CREB5: variants seen among roughly 807,000 people sequenced by gnomAD.
CREB5 encodes cAMP responsive element binding protein 5, also known as cyclic AMP-responsive element-binding protein 5.
CREB5 carries 19 observed loss-of-function variants against 57.1 expected under a neutral mutation model. The ratio of observed to expected loss-of-function variants is 0.33; its 90% CI spans 0.23 to 0.49. The LOEUF is 0.49. Ranked by LOEUF, CREB5 falls within the 20% of genes least tolerant of loss-of-function variation. CREB5 has a pLI of 0.99. For missense variants in CREB5, 579 were observed against 671.6 expected, an observed-to-expected ratio of 0.86 and a Z score of 1.52; for synonymous variants, 238 against 238.3, an observed-to-expected ratio of 1.00 and a Z score of 0.01.
intron 4 of CREB5, among the ~76,000 whole-genome samples, chr7:28,560,622 A>G (rs1176913391): frequency 1.3e-5 from 2 of 152,132 alleles, no homozygotes; most frequent in Non-Finnish European, 2.9e-5. Context: ...ATGGTCAAGA[A>G]GAGGCAAGGC....
chr7:28,623,204 G>A (rs1159964454), intron 5 of CREB5, among the ~76,000 whole-genome samples: 1 of 152,140 alleles, frequency 6.6e-6, no homozygotes, highest in Non-Finnish European at 1.5e-5. Flanking sequence ...TTTATAGGAG[G>A]ATGCATGGAA....
At position 28,560,971 on chromosome 7, in the gene CREB5, T is replaced by TGTGC. The variant is rs1562798185; in HGVS notation, c.292-9393_292-9392insTGCG. On this transcript the variant is annotated intron_variant, in intron 4 of 10. Transcript: ENST00000357727. ...GTGTGCGTGTGTGTGCGTGTGTGTG[T>TGTGC]GCGTGTGTGCGTGCGTGTGTGTGCC... Among the ~76,000 whole-genome samples the TGTGC allele has an allele frequency of 9.2e-5, 5 of 54,064 alleles. 1 individual carries two copies. The highest frequency in any genetic ancestry group is 1.2e-3 in the East Asian group (2 of 1,608). The allele number at this position is 54,064 out of a possible 152,430, so 35.5% of individuals were successfully genotyped here.
At chr7:28,614,839 CACTT>C in intron 5 of CREB5, among the ~76,000 whole-genome samples, 1 of 152,266 alleles carries the variant, frequency 6.6e-6, no homozygotes, top group Non-Finnish European at 1.5e-5. Context: ...TGTCTCTACT[CACTT>C]TTAGCCTCTC....
chr7:28,656,270 A>C (rs1799330313), intron 5 of CREB5, among the ~76,000 whole-genome samples: 2 of 152,232 alleles, frequency 1.3e-5, no homozygotes, highest in Admixed American at 1.3e-4. Context: ...AACAACAAAG[A>C]AATTATGAAG....
At chr7:28,495,463 A>T (rs1178663664) in intron 3 of CREB5, among the ~76,000 whole-genome samples, 1 of 151,014 alleles carries the variant, frequency 6.6e-6, no homozygotes, top group East Asian at 1.9e-4. Flanking sequence ...AATCGCTTGG[A>T]CCCGGGAGGG....
At chr7:28,304,868 T>C (rs1194559088) in intron 1 of CREB5, among the ~76,000 whole-genome samples, 3 of 152,196 alleles carry the variant, frequency 2.0e-5, no homozygotes, top group African/African-American at 7.2e-5. Flanking sequence ...TAAGTATGTA[T>C]TTGTAGAAAT....
intron 5 of CREB5, among the ~76,000 whole-genome samples, chr7:28,658,369 T>C (rs1021434999): frequency 1.3e-5 from 2 of 152,234 alleles, no homozygotes; most frequent in South Asian, 4.1e-4. Context: ...CCTCTGCCCA[T>C]GAACTGATTT....
At chr7:28,625,534 C>G (rs899184818) in intron 5 of CREB5, among the ~76,000 whole-genome samples, 20 of 152,160 alleles carry the variant, frequency 1.3e-4, no homozygotes, top group Non-Finnish European at 2.8e-4. Flanking sequence ...GTTAAAATCC[C>G]AAAGCACAGT....
At chr7:28,810,118 A>C (rs1356997428) in intron 9 of CREB5, among the ~76,000 whole-genome samples, 6 of 152,108 alleles carry the variant, frequency 3.9e-5, no homozygotes, top group Admixed American at 3.9e-4. Context: ...GTCTAAGAGG[A>C]AAGGAAGGAA....
chr7:28,598,768 G>A (rs759768366), intron 5 of CREB5, among the ~76,000 whole-genome samples: 8 of 152,066 alleles, frequency 5.3e-5, no homozygotes, highest in African/African-American at 9.7e-5. Context: ...TAAGAAGAGC[G>A]GCATAGGTAG....
intron 3 of CREB5, among the ~76,000 whole-genome samples, chr7:28,503,154 C>T (rs115607137): frequency 0.011 from 1,712 of 152,248 alleles, 20 homozygotes; most frequent in African/African-American, 0.038. Flanking sequence ...ATTCCTAATT[C>T]GTAAGGCCAA....
intron 1 of CREB5, among the ~76,000 whole-genome samples, chr7:28,451,791 T>C (rs1236078324): frequency 2.0e-5 from 3 of 152,136 alleles, no homozygotes; most frequent in Non-Finnish European, 4.4e-5. Context: ...TCCTGGGAAC[T>C]TAAATGTAAA....
At chr7:28,460,228 G>T (rs1355787066) in intron 1 of CREB5, among the ~76,000 whole-genome samples, 5 of 152,146 alleles carry the variant, frequency 3.3e-5, no homozygotes, top group African/African-American at 1.2e-4. Flanking sequence ...GAAATAAAAG[G>T]TTGCAGGGGG....
At chr7:28,489,509 G>A (rs1187235643) in intron 2 of CREB5, among the ~76,000 whole-genome samples, 1 of 151,890 alleles carries the variant, frequency 6.6e-6, no homozygotes, top group Non-Finnish European at 1.5e-5. Flanking sequence ...CACCTTGTTA[G>A]CCAGTATGGT....
chr7:28,562,466 T>C (rs1388829162), intron 4 of CREB5, among the ~76,000 whole-genome samples: 2 of 152,192 alleles, frequency 1.3e-5, no homozygotes, highest in Non-Finnish European at 2.9e-5. Context: ...GTTCTGGGGA[T>C]TGGAGGGGAG....
Position 28,824,815 on chromosome 7 carries a change from T to G in CREB5, c.*5536T>G, listed in dbSNP as rs1809975216. The G allele has an allele frequency of 6.6e-6, 1 of 152,660 alleles. No homozygotes were observed. Among genetic ancestry groups the G allele is most frequent in the African/African-American group, 2.4e-5 (1 of 41,470 alleles). The allele number at this position is 152,660 out of a possible 1,614,324, so 9.5% of individuals were successfully genotyped here. ...GCTGAAGTGGGGGGTAAGGCCAAAT[T>G]GCCAACACTTGTTAAAAGATTAATA... On this transcript the variant is annotated 3_prime_UTR_variant, in exon 11 of 11. Coordinates refer to ENST00000357727, the MANE Select transcript of CREB5 (RefSeq NM_182898.4).
chr7:28,527,988 T>C (rs570329216), intron 4 of CREB5, among the ~76,000 whole-genome samples: 2 of 152,232 alleles, frequency 1.3e-5, no homozygotes, highest in Non-Finnish European at 1.5e-5. Flanking sequence ...TGAGCCGCCA[T>C]GTTTATCTAC....
chr7:28,714,391 C>T (rs1388688809), intron 5 of CREB5, among the ~76,000 whole-genome samples: 3 of 152,158 alleles, frequency 2.0e-5, no homozygotes, highest in Admixed American at 1.3e-4. Flanking sequence ...GCAGATCTGT[C>T]TGTCCTGAGA....
At chr7:28,348,036 G>T (rs1325577954) in intron 1 of CREB5, among the ~76,000 whole-genome samples, 1 of 152,098 alleles carries the variant, frequency 6.6e-6, no homozygotes, top group Admixed American at 6.5e-5. Context: ...GGGTTCCCAG[G>T]TGTGAGCTAT....
Sources: gnomAD v4.1 joint callset for allele counts (sites outside exome capture counted in the v4.1 genomes callset) on GRCh38, gnomAD v4.1.1 for gene constraint, MANE v1.5 for transcripts, NCBI Gene and HGNC (gene_info 2026-07-23, HGNC 2026-07-21) for gene names.